The following RIMBP2 variants were observed in gnomAD, a reference collection of about 807,000 sequenced individuals.
The protein encoded by RIMBP2 is RIMS-binding protein 2.
Under a neutral mutation model 118.6 loss-of-function variants are expected in RIMBP2, and 48 were observed. The observed-to-expected ratio is 0.40, with a 90% CI of 0.32 to 0.51. The LOEUF is 0.51. Among genes scored for constraint, RIMBP2 ranks in the 20% least tolerant of loss-of-function variants. The probability of loss-of-function intolerance (pLI) is 0.41; values close to 1 mark genes in which losing one functional copy is unlikely to be tolerated. For synonymous variants in RIMBP2, 762 were observed against 742.9 expected (o/e 1.03, Z -0.42); for missense variants, 1,551 against 1,768.3 (o/e 0.88, Z 2.20).
chr12:130,445,330 C>T (rs1382646657), intron 9 of RIMBP2, 61 bp from the exon 10 acceptor site: 1 of 1,189,206 alleles, frequency 8.4e-7, no homozygotes, highest in African/African-American at 1.5e-5. Flanking sequence ...GCACCCCTGT[C>T]CGTGCAGAAC....
chr12:130,529,424 A>T (rs1196856457), intron 2 of RIMBP2, among the ~76,000 whole-genome samples: 1 of 152,200 alleles, frequency 6.6e-6, no homozygotes. Context: ...GCAAATCTGC[A>T]GAGACAGAAA....
At position 130,703,104 on chromosome 12, in the gene RIMBP2, C is replaced by T. The variant is rs1175876152; in HGVS notation, c.-352+13118G>A. On this transcript the variant is annotated intron_variant, in intron 1 of 22. Coordinates refer to ENST00000690449, the MANE Select transcript of RIMBP2 (RefSeq NM_001393629.1). This position sits in a 1 kb window ranked among gnomAD's most constrained non-coding sequence, Gnocchi z 5.7. ...GTAATGCCTCCAGGTCACCAGGTCA[C>T]TGCAGCAGGCCAGGGGTGGGATTCT... is the stretch of plus-strand genomic sequence containing the variant. Among the ~76,000 whole-genome samples the T allele has an allele frequency of 2.0e-5, 3 of 152,178 alleles. No individual in the cohort carries two copies. Among genetic ancestry groups the T allele is most frequent in the African/African-American group, 7.2e-5 (3 of 41,448 alleles).
chr12:130,464,047 G>A (rs1458678566), intron 6 of RIMBP2, among the ~76,000 whole-genome samples: 1 of 152,170 alleles, frequency 6.6e-6, no homozygotes, highest in African/African-American at 2.4e-5. Flanking sequence ...GCTTGAAAAG[G>A]GTGGAGCCCT....
intron 2 of RIMBP2, among the ~76,000 whole-genome samples, chr12:130,532,464 T>A (rs1398782664): frequency 6.7e-6 from 1 of 149,786 alleles, no homozygotes; most frequent in Non-Finnish European, 1.5e-5. Context: ...GAGATGCGTG[T>A]GTTCAGCCTC....
intron 5 of RIMBP2, among the ~76,000 whole-genome samples, chr12:130,476,930 GC>G (rs2138040432): frequency 6.6e-6 from 1 of 152,318 alleles, no homozygotes; most frequent in African/African-American, 2.4e-5. Context: ...CAAGTGCAGT[GC>G]AACGACCACC....
intron 2 of RIMBP2, among the ~76,000 whole-genome samples, chr12:130,532,861 G>T (rs1231637197): frequency 8.3e-5 from 10 of 121,054 alleles, no homozygotes; most frequent in East Asian, 5.2e-4. Context: ...CCTCTAGGAG[G>T]GACGTCTAAT....
chr12:130,536,773 T>TA (rs1315807941), intron 2 of RIMBP2, among the ~76,000 whole-genome samples: 2 of 152,206 alleles, frequency 1.3e-5, no homozygotes, highest in African/African-American at 4.8e-5. Flanking sequence ...ACTTGCTTCC[T>TA]AAAGTGAGAT....
rs555437244 is a variant in RIMBP2, at chr12:130,617,701, C to A, written c.-217+10621G>T. ...TGACCTGACGCTAAGCAGCCCAGCA[C>A]CTTCAGTCCTCGAAGGTCCGCAGAT... On this transcript the variant is annotated intron_variant, in intron 2 of 22. Coordinates refer to ENST00000690449, the MANE Select transcript of RIMBP2 (RefSeq NM_001393629.1). This position sits in a 1 kb window ranked among gnomAD's most constrained non-coding sequence, Gnocchi z 4.6. Among the ~76,000 whole-genome samples, 3 of 152,334 alleles carry A rather than the reference C, an allele frequency of 2.0e-5. No individual in the cohort carries two copies. In the South Asian group the frequency reaches 6.2e-4, roughly 32 times the overall value.
intron 2 of RIMBP2, among the ~76,000 whole-genome samples, chr12:130,524,108 G>T (rs2052489280): frequency 6.6e-6 from 1 of 152,144 alleles, no homozygotes; most frequent in Non-Finnish European, 1.5e-5. Context: ...GGTGCTCCCA[G>T]CCCTGGAGAT....
At position 130,622,595 on chromosome 12, in the gene RIMBP2, T is replaced by C. The variant is rs2061385818; in HGVS notation, c.-217+5727A>G. Reference sequence around the variant, plus strand: ...CTCCCACCTTTGCCTCCCACAGTGCTGGGAATACAGAAATGAGCCACTGCA... The same window carrying C: ...CTCCCACCTTTGCCTCCCACAGTGCCGGGAATACAGAAATGAGCCACTGCA... On this transcript the variant is annotated intron_variant, in intron 2 of 22. Coordinates refer to ENST00000690449, the MANE Select transcript of RIMBP2 (RefSeq NM_001393629.1). The surrounding 1 kb of genome is among the most constrained non-coding windows in gnomAD (Gnocchi z 8.5). Among the ~76,000 whole-genome samples the C allele has an allele frequency of 6.6e-6, 1 of 152,154 alleles. No homozygotes were observed. Among genetic ancestry groups the C allele is most frequent in the Admixed American group, 6.5e-5 (1 of 15,276 alleles).
chr12:130,665,699 A>G (rs1288322708), intron 1 of RIMBP2, among the ~76,000 whole-genome samples: 1 of 148,104 alleles, frequency 6.8e-6, no homozygotes, highest in Non-Finnish European at 1.5e-5. Context: ...GATTAACTGG[A>G]CGCCACCAGT....
chr12:130,433,708 TC>T (rs200482689), intron 14 of RIMBP2, among the ~76,000 whole-genome samples: 2,530 of 152,264 alleles, frequency 0.017, 35 homozygotes, highest in Non-Finnish European at 0.026. Flanking sequence ...ATCCCTTTTT[TC>T]CTTCTTGGGG....
At chr12:130,538,923 C>T (rs1387752950) in intron 2 of RIMBP2, among the ~76,000 whole-genome samples, 5 of 152,046 alleles carry the variant, frequency 3.3e-5, no homozygotes, top group South Asian at 2.1e-4. Context: ...GCAGGGTGGT[C>T]GAGAGCTGGG....
intron 17 of RIMBP2, among the ~76,000 whole-genome samples, chr12:130,421,783 T>A (rs1021923472): frequency 6.6e-6 from 1 of 152,124 alleles, no homozygotes; most frequent in East Asian, 1.9e-4. Context: ...TTGTGCATAA[T>A]ACTTTTTGGA....
At chr12:130,462,412 G>C (rs753339266) in intron 6 of RIMBP2, among the ~76,000 whole-genome samples, 2 of 152,208 alleles carry the variant, frequency 1.3e-5, no homozygotes, top group Non-Finnish European at 2.9e-5. Flanking sequence ...CCCCGAGGAT[G>C]CCTGCCCGGC....
At chr12:130,674,483 C>T (rs968621634) in intron 1 of RIMBP2, among the ~76,000 whole-genome samples, 4 of 152,126 alleles carry the variant, frequency 2.6e-5, no homozygotes, top group Non-Finnish European at 5.9e-5. Flanking sequence ...TGTGGTGACA[C>T]CTGTGTGCAC....
At chr12:130,406,338 G>C in intron 20 of RIMBP2, 95 bp from the exon 21 acceptor site, 2 of 778,212 alleles carry the variant, frequency 2.6e-6, no homozygotes, top group Non-Finnish European at 4.2e-6. Context: ...TACTATTTGA[G>C]AATTTCTGGT....
chr12:130,498,633 CAAA>C (rs35549770), intron 4 of RIMBP2, among the ~76,000 whole-genome samples: 2 of 115,688 alleles, frequency 1.7e-5, no homozygotes, highest in Non-Finnish European at 3.4e-5. Context: ...AAACAGCATT[CAAA>C]AAAAAAAAAA....
chr12:130,407,765 G>GTCAT lies in RIMBP2; in HGVS notation c.3650_3653dup (p.Asp1218GlufsTer2). On this transcript the variant is annotated stop_gained and frameshift_variant, in exon 20 of 23. Transcript: ENST00000690449. LOFTEE classifies it high-confidence loss of function. ...TGGGCGAGCTTTCTCTGGGGTCGTAGTCATACAGGGCCACCATTCTCCGCG... is the reference window on the plus strand; with the variant it reads ...TGGGCGAGCTTTCTCTGGGGTCGTAGTCATTCATACAGGGCCACCATTCTCCGCG... The GTCAT allele has an allele frequency of 6.2e-7, 1 of 1,614,200 alleles. No homozygotes were observed. The highest frequency in any genetic ancestry group is 1.1e-5 in the South Asian group (1 of 91,082).
Sources: allele counts gnomAD v4.1 joint callset (sites outside exome capture counted in the v4.1 genomes callset), GRCh38; gene constraint gnomAD v4.1.1; non-coding constraint Gnocchi (gnomAD v3.1); transcripts MANE v1.5; gene names NCBI Gene and HGNC (gene_info 2026-07-23, HGNC 2026-07-21).